DCC: variants seen among roughly 807,000 people sequenced by gnomAD.
DCC encodes DCC netrin 1 receptor, also known as netrin receptor DCC.
A neutral mutation model predicts 172.5 loss-of-function variants in DCC; 58 were observed. The observed-to-expected ratio is 0.34, with a 90% CI of 0.27 to 0.42. The LOEUF (loss-of-function observed/expected upper bound fraction) is 0.42. DCC is among the 10% of genes least tolerant of loss of function. The pLI is 1.00. For missense variants in DCC, 1,740 were observed against 1,791.0 expected, an observed-to-expected ratio of 0.97 and a Z score of 0.51; for synonymous variants, 709 against 644.5, an observed-to-expected ratio of 1.10 and a Z score of -1.52.
intron 1 of DCC, among the ~76,000 whole-genome samples, chr18:52,571,171 C>G (rs1178205587): frequency 2.0e-5 from 3 of 152,050 alleles, no homozygotes; most frequent in Non-Finnish European, 4.4e-5. Flanking sequence ...AGAGCTCTGC[C>G]AGGAACATGA....
At chr18:53,468,063 C>G in intron 25 of DCC, 53 bp downstream of exon 25, 3 of 894,948 alleles carry the variant, frequency 3.4e-6, no homozygotes, top group South Asian at 2.6e-5. Flanking sequence ...CTGTATGTAT[C>G]TTTTCTATAA....
chr18:52,971,585 T>A (rs1413602118), intron 5 of DCC, among the ~76,000 whole-genome samples: 1 of 151,676 alleles, frequency 6.6e-6, no homozygotes, highest in Non-Finnish European at 1.5e-5. Context: ...GATTATAGAC[T>A]GAAGTAGGGA....
Position 53,402,876 on chromosome 18 carries a change from C to A in DCC, c.2918C>A (p.Ala973Asp). 6.2e-7 allele frequency: 1 copy of A among 1,612,874 alleles called. No individual in the cohort carries two copies. The highest frequency in any genetic ancestry group is 8.5e-7 in the Non-Finnish European group (1 of 1,178,918). ...GTGAGTTGGCAGCCTCCCTTGGAAG[C>A]CAATGGGAAAATTACTGGTAAGCAT... ...VIVSWQPPLE[A>D]NGKITAYILF... is the part of the protein sequence containing the mutation. Residue 973 changes from alanine to aspartate, a missense_variant, in exon 19 of 29, where the codon GCC (alanine) becomes GAC (aspartate). Around this residue, in one of 2 missense-constraint regions of DCC, gnomAD observed 1,732 missense variants for 1,767.4 expected, o/e 0.98. Coordinates refer to ENST00000442544, the MANE Select transcript of DCC (RefSeq NM_005215.4).
At chr18:53,513,367 T>C (rs2046284260) in intron 27 of DCC, among the ~76,000 whole-genome samples, 1 of 152,100 alleles carries the variant, frequency 6.6e-6, no homozygotes, top group Non-Finnish European at 1.5e-5. Context: ...TATGCCAAAA[T>C]GTAAAGACCA....
At chr18:52,512,997 G>T (rs570280204) in intron 1 of DCC, among the ~76,000 whole-genome samples, 1 of 152,176 alleles carries the variant, frequency 6.6e-6, no homozygotes, top group Admixed American at 6.5e-5. Flanking sequence ...GGAGCTAGGA[G>T]TAGAAAATAT....
At chr18:53,212,758 C>A (rs556074578) in intron 11 of DCC, among the ~76,000 whole-genome samples, 23 of 151,986 alleles carry the variant, frequency 1.5e-4, no homozygotes, top group Middle Eastern at 6.8e-3. Flanking sequence ...GCAGCCTCCA[C>A]CTCCCAGGTT....
At chr18:52,684,852 G>A (rs2035804152) in intron 1 of DCC, among the ~76,000 whole-genome samples, 1 of 152,076 alleles carries the variant, frequency 6.6e-6, no homozygotes, top group South Asian at 2.1e-4. Flanking sequence ...GTGAACTTAT[G>A]TTTTTATGCA....
intron 2 of DCC, among the ~76,000 whole-genome samples, chr18:52,858,527 C>A (rs2039087809): frequency 6.6e-6 from 1 of 152,294 alleles, no homozygotes; most frequent in Non-Finnish European, 1.5e-5. Context: ...ACAATTCTCC[C>A]AGGCTTTCCT....
intron 13 of DCC, among the ~76,000 whole-genome samples, chr18:53,308,468 A>T (rs1161905443): frequency 9.0e-6 from 1 of 111,144 alleles, no homozygotes; most frequent in Non-Finnish European, 1.8e-5. Context: ...TAAAAATATT[A>T]CAATTTTTGC....
intron 1 of DCC, among the ~76,000 whole-genome samples, chr18:52,727,997 T>A (rs190164395): frequency 2.2e-4 from 33 of 152,360 alleles, no homozygotes; most frequent in African/African-American, 7.5e-4. Flanking sequence ...CATTTCATTA[T>A]AGTGATACAA....
At chr18:53,065,873 G>A (rs1229534130) in intron 6 of DCC, among the ~76,000 whole-genome samples, 173 bp from the exon 7 acceptor site, 2 of 152,096 alleles carry the variant, frequency 1.3e-5, no homozygotes, top group Non-Finnish European at 2.9e-5. Flanking sequence ...AATTGGGAAG[G>A]TATGACTTTT....
intron 1 of DCC, among the ~76,000 whole-genome samples, chr18:52,580,794 A>G (rs543160789): frequency 6.6e-6 from 1 of 152,274 alleles, no homozygotes; most frequent in South Asian, 2.1e-4. Flanking sequence ...TAATTATCTC[A>G]GCAATTCTGA....
At chr18:53,509,288 C>T (rs553708774) in intron 27 of DCC, among the ~76,000 whole-genome samples, 2 of 152,274 alleles carry the variant, frequency 1.3e-5, no homozygotes, top group South Asian at 2.1e-4. Flanking sequence ...AAAAATTATA[C>T]ATTTTGTTTT....
At chr18:52,806,883 G>C (rs531773223) in intron 2 of DCC, among the ~76,000 whole-genome samples, 1 of 152,138 alleles carries the variant, frequency 6.6e-6, no homozygotes, top group Non-Finnish European at 1.5e-5. Flanking sequence ...TTGACCTCAG[G>C]CATCCTGTTT....
At chr18:52,965,614 A>G (rs1029190015) in intron 5 of DCC, among the ~76,000 whole-genome samples, 1 of 152,186 alleles carries the variant, frequency 6.6e-6, no homozygotes, top group Non-Finnish European at 1.5e-5. Context: ...TGTTCTTCAG[A>G]AAGGTATTTG....
rs2037901296 is a variant in DCC at position 52,797,661 on chromosome 18, C to G, written c.412+45287C>G. ...CAGCAGTACAAATGTTGGGTCTGACCTCAGGCCTCTGGATGGTGTGTGCAG... is the reference window on the plus strand; with the variant it reads ...CAGCAGTACAAATGTTGGGTCTGACGTCAGGCCTCTGGATGGTGTGTGCAG... On this transcript the variant is annotated intron_variant, in intron 2 of 28. Transcript: ENST00000442544. Among the ~76,000 whole-genome samples the G allele has an allele frequency of 2.6e-5, 4 of 152,292 alleles. No homozygotes were observed. In the South Asian group the frequency reaches 8.3e-4, roughly 32 times the overall value.
intron 27 of DCC, among the ~76,000 whole-genome samples, chr18:53,506,885 G>C (rs1184185741): frequency 6.6e-6 from 1 of 150,680 alleles, no homozygotes; most frequent in Non-Finnish European, 1.5e-5. Context: ...AGGAGGAGGA[G>C]TGTGGATCAG....
intron 1 of DCC, among the ~76,000 whole-genome samples, chr18:52,707,631 T>C (rs2036230943): frequency 6.6e-6 from 1 of 152,180 alleles, no homozygotes; most frequent in African/African-American, 2.4e-5. Context: ...CATCAAAGGA[T>C]GAATGTGATA....
At chr18:53,321,739 A>C (rs565947864) in intron 13 of DCC, among the ~76,000 whole-genome samples, 57 of 152,272 alleles carry the variant, frequency 3.7e-4, no homozygotes, top group South Asian at 1.7e-3. Context: ...AGTAAGGAAA[A>C]ATTATCCATG....
Sources: gnomAD v4.1 joint callset for allele counts (sites outside exome capture counted in the v4.1 genomes callset) on GRCh38, gnomAD v4.1.1 for gene constraint, gnomAD v4.1.1 regional missense constraint, MANE v1.5 for transcripts, NCBI Gene and HGNC (gene_info 2026-07-23, HGNC 2026-07-21) for gene names.